CELSR1: variants seen among roughly 807,000 people sequenced by gnomAD.
CELSR1 encodes cadherin EGF LAG seven-pass G-type receptor 1.
A neutral mutation model predicts 249.1 loss-of-function variants in CELSR1; 110 were observed. The ratio of observed to expected loss-of-function variants is 0.44; its 90% CI spans 0.38 to 0.52. The LOEUF (loss-of-function observed/expected upper bound fraction) is 0.52, where lower values mean the gene tolerates loss of function less well. CELSR1 is among the 20% of genes least tolerant of loss of function. CELSR1 has a pLI of 0.00. For synonymous variants in CELSR1, 2,113 were observed against 1,900.0 expected (o/e 1.11, Z -2.92); for missense variants, 4,109 against 4,296.4 (o/e 0.96, Z 1.22).
intron 2 of CELSR1, among the ~76,000 whole-genome samples, chr22:46,452,924 G>A (rs2079902890): frequency 6.6e-6 from 1 of 152,252 alleles, no homozygotes; most frequent in Non-Finnish European, 1.5e-5. Flanking sequence ...CCATGGGGTT[G>A]GGCACAGCCT....
intron 1 of CELSR1, among the ~76,000 whole-genome samples, chr22:46,475,305 C>T (rs58997834): frequency 0.022 from 3,280 of 152,052 alleles, 137 homozygotes; most frequent in African/African-American, 0.076. Context: ...CGACAGACAC[C>T]CTGACACACG....
rs988832026 is a variant in CELSR1 at position 46,454,280 on chromosome 22, A to G, written c.4183+9427T>C. Among the ~76,000 whole-genome samples the G allele has an allele frequency of 1.3e-5, 2 of 152,202 alleles. No homozygotes were observed. On this transcript the variant is annotated intron_variant, in intron 2 of 34. Transcript: ENST00000674500. This position sits in a 1 kb window ranked among gnomAD's most constrained non-coding sequence, Gnocchi z 5.1. Reference sequence around the variant, plus strand: ...ATGCAGGGCTCCTGCCCTCCAGAACAGTAAGAATGAATCCGTGCTGCGTTA... The same window carrying G: ...ATGCAGGGCTCCTGCCCTCCAGAACGGTAAGAATGAATCCGTGCTGCGTTA...
intron 1 of CELSR1, among the ~76,000 whole-genome samples, chr22:46,499,701 T>C (rs1315688523): frequency 6.6e-6 from 1 of 152,104 alleles, no homozygotes; most frequent in Non-Finnish European, 1.5e-5. Flanking sequence ...CAGAATTTTC[T>C]CAAACTGTAT....
At chr22:46,529,714 A>T (rs2080773099) in intron 1 of CELSR1, among the ~76,000 whole-genome samples, 1 of 152,014 alleles carries the variant, frequency 6.6e-6, no homozygotes, top group Admixed American at 6.6e-5. Flanking sequence ...GAGGTAGGAT[A>T]ATCACTTGAA....
Position 46,536,531 on chromosome 22 carries a change from GGGATGGCGACGC to G in CELSR1, c.628_639del (p.Ala210_Ser213del), listed in dbSNP as rs1260777047. The G allele has an allele frequency of 7.0e-7, 1 of 1,423,596 alleles. No individual in the cohort carries two copies. Among genetic ancestry groups the G allele is most frequent in the Non-Finnish European group, 9.1e-7 (1 of 1,096,040 alleles). 88.2% of individuals were successfully genotyped at this position (1,423,596 alleles called of 1,614,324 possible). A position where few individuals can be genotyped will look rare whatever the true frequency, so the allele number is the denominator to read the frequency against. On this transcript the variant is annotated inframe_deletion, in exon 1 of 35. Coordinates refer to ENST00000674500, the MANE Select transcript of CELSR1 (RefSeq NM_001378328.1). ...AAGTTCGGCGGCAGGGGCGGCGATG[GGGATGGCGACGC>G]GGAGGGCGTCCCCGCGGTGGCGGCC... is the stretch of plus-strand genomic sequence containing the variant.
chr22:46,527,622 G>A lies in CELSR1; in HGVS notation c.3544+6005C>T, dbSNP rs1405447847. Reference sequence around the variant, plus strand: ...CTCCCGGCTTTCGCACACAGCAGGTGCTCAATAAACAAACCAACACTCCTT... The same window carrying A: ...CTCCCGGCTTTCGCACACAGCAGGTACTCAATAAACAAACCAACACTCCTT... On this transcript the variant is annotated intron_variant, in intron 1 of 34. Coordinates refer to ENST00000674500, the MANE Select transcript of CELSR1 (RefSeq NM_001378328.1). The surrounding 1 kb of genome is among the most constrained non-coding windows in gnomAD (Gnocchi z 5.5). Among the ~76,000 whole-genome samples the A allele has an allele frequency of 6.6e-6, 1 of 152,198 alleles. No homozygotes were observed. Among genetic ancestry groups the A allele is most frequent in the African/African-American group, 2.4e-5 (1 of 41,458 alleles).
At chr22:46,470,178 C>T (rs2080142222) in intron 1 of CELSR1, among the ~76,000 whole-genome samples, 1 of 150,592 alleles carries the variant, frequency 6.6e-6, no homozygotes, top group African/African-American at 2.5e-5. Context: ...TTCCTCGTGG[C>T]AGTTGTTATG....
In CELSR1 at chr22:46,517,129, C is replaced by A. The variant is rs74398229; in HGVS notation, c.3544+16498G>T. On this transcript the variant is annotated intron_variant, in intron 1 of 34. Transcript: ENST00000674500. The surrounding 1 kb of genome is among the most constrained non-coding windows in gnomAD (Gnocchi z 5.4). ...CAATGGATCATTCCCCTGAGGTATA[C>A]AAACCACCTCCCCATCCCCCACTGC... 6.8e-3 allele frequency among the ~76,000 whole-genome samples: 1,041 copies of A among 152,320 alleles called. 8 individuals are homozygous for A. Among genetic ancestry groups the A allele is most frequent in the Non-Finnish European group, 0.013 (853 of 68,018 alleles).
rs762282637 is a variant in CELSR1, at chr22:46,472,882, C to A, written c.3545-8537G>T. Among the ~76,000 whole-genome samples the A allele has an allele frequency of 6.6e-6, 1 of 152,198 alleles. No individual in the cohort carries two copies. The highest frequency in any genetic ancestry group is 1.5e-5 in the Non-Finnish European group (1 of 68,040). ...CAAGTGGCTATGGCTCTCCCTGTGT[C>A]GTCACGGCTCTGTCTTCTGTTCACC... On this transcript the variant is annotated intron_variant, in intron 1 of 34. Coordinates refer to ENST00000674500, the MANE Select transcript of CELSR1 (RefSeq NM_001378328.1). The surrounding 1 kb of genome is among the most constrained non-coding windows in gnomAD (Gnocchi z 7.0).
chr22:46,372,782 T>G, intron 25 of CELSR1, 101 bp downstream of exon 25: 2 of 1,411,004 alleles, frequency 1.4e-6, no homozygotes, highest in South Asian at 1.3e-5. Flanking sequence ...TGGACAAGCA[T>G]TGGGGCTGGG....
rs45551035 is a variant in CELSR1, at chr22:46,439,379, G to C, written c.4216C>G (p.Arg1406Gly). Residue 1406 changes from arginine (R) to glycine (G), a missense_variant, in exon 3 of 35, where the codon CGC becomes GGC. Transcript: ENST00000674500. ...EHCEVDARSG[R>G]CANGVCKNGG... ...TTCTTGCACACCCCGTTGGCACAGC[G>C]GCCTGAGCGGGCATCCACCTCACAG... The C allele has an allele frequency of 3.1e-6, 5 of 1,613,542 alleles. No individual in the cohort carries two copies. Among genetic ancestry groups the C allele is most frequent in the Non-Finnish European group, 4.2e-6 (5 of 1,179,952 alleles).
rs1321661404 is a variant in CELSR1 at position 46,484,169 on chromosome 22, G to A, written c.3545-19824C>T. On this transcript the variant is annotated intron_variant, in intron 1 of 34. Coordinates refer to ENST00000674500, the MANE Select transcript of CELSR1 (RefSeq NM_001378328.1). The surrounding 1 kb of genome is among the most constrained non-coding windows in gnomAD (Gnocchi z 4.5). ...ACAGGGCAAGAGAAGGGGAGCTGCT[G>A]GGGAGAGCCGTTACGACGGTGGGGA... Among the ~76,000 whole-genome samples the A allele has an allele frequency of 6.6e-6, 1 of 152,222 alleles. No individual in the cohort carries two copies. The highest frequency in any genetic ancestry group is 1.5e-5 in the Non-Finnish European group (1 of 68,044).
intron 13 of CELSR1, among the ~76,000 whole-genome samples, chr22:46,394,899 G>A (rs947001623): frequency 1.1e-4 from 17 of 152,164 alleles, no homozygotes; most frequent in South Asian, 6.2e-4. Context: ...CCAGGCCTCC[G>A]AGGTGCTGGC....
chr22:46,476,957 AAG>A (rs754449183), intron 1 of CELSR1, among the ~76,000 whole-genome samples: 10 of 152,262 alleles, frequency 6.6e-5, no homozygotes, highest in Admixed American at 4.6e-4. Flanking sequence ...AAAAGGCAAA[AAG>A]AGTTAAGAAT....
At position 46,473,533 on chromosome 22, in the gene CELSR1, A is replaced by C. The variant is rs1369930357; in HGVS notation, c.3545-9188T>G. On this transcript the variant is annotated intron_variant, in intron 1 of 34. Transcript: ENST00000674500. This position sits in a 1 kb window ranked among gnomAD's most constrained non-coding sequence, Gnocchi z 6.6. Reference sequence around the variant, plus strand: ...GTCTCCGTCACCACCCCATGCACCAAAGCCTGGGGGGCTCCTCCACTCTCC... The same window carrying C: ...GTCTCCGTCACCACCCCATGCACCACAGCCTGGGGGGCTCCTCCACTCTCC... Among the ~76,000 whole-genome samples, 1 of 152,064 alleles carries C rather than the reference A, an allele frequency of 6.6e-6. No individual in the cohort carries two copies. Among genetic ancestry groups the C allele is most frequent in the Admixed American group, 6.6e-5 (1 of 15,266 alleles).
At position 46,477,236 on chromosome 22, in the gene CELSR1, T is replaced by C. The variant is rs187884881; in HGVS notation, c.3545-12891A>G. On this transcript the variant is annotated intron_variant, in intron 1 of 34. Coordinates refer to ENST00000674500, the MANE Select transcript of CELSR1 (RefSeq NM_001378328.1). ...GTCGCCATCTGTTTATACCATGAGC[T>C]AAATATCATGGGAGAAGCCCACACA... Among the ~76,000 whole-genome samples, 451 of 152,214 alleles carry C rather than the reference T, an allele frequency of 3.0e-3. 3 individuals are homozygous for C. Among genetic ancestry groups the C allele is most frequent in the Non-Finnish European group, 5.6e-3 (380 of 68,020 alleles).
Position 46,381,078 on chromosome 22 carries a change from G to T in CELSR1, c.7089-123C>A. 5.7e-6 allele frequency: 6 copies of T among 1,057,868 alleles called. No individual in the cohort carries two copies. Among genetic ancestry groups the T allele is most frequent in the Non-Finnish European group, 8.2e-6 (6 of 732,244 alleles). 65.5% of individuals were successfully genotyped at this position (1,057,868 alleles called of 1,614,324 possible). ...TCTAGGGGAGACAGAATCACACTCC[G>T]AGAGCTCGGACCCACGGACCCCACA... On this transcript the variant is annotated intron_variant, in intron 21 of 34. Coordinates refer to ENST00000674500, the MANE Select transcript of CELSR1 (RefSeq NM_001378328.1). This position sits in a 1 kb window ranked among gnomAD's most constrained non-coding sequence, Gnocchi z 6.0.
In CELSR1 at chr22:46,428,998, A is replaced by C. The variant is rs773880285; in HGVS notation, c.4611+4395T>G. On this transcript the variant is annotated intron_variant, in intron 5 of 34. Transcript: ENST00000674500. The surrounding 1 kb of genome is among the most constrained non-coding windows in gnomAD (Gnocchi z 5.7). ...GGGCCCCGTTAAACATCTTGCTGGC[A>C]CGTCTGTGTCCCCGACCCTGCCAGG... Among the ~76,000 whole-genome samples the C allele has an allele frequency of 7.9e-5, 12 of 152,092 alleles. No homozygotes were observed. Among genetic ancestry groups the C allele is most frequent in the Non-Finnish European group, 1.6e-4 (11 of 67,994 alleles).
intron 1 of CELSR1, among the ~76,000 whole-genome samples, chr22:46,470,273 T>A (rs1008758232): frequency 6.6e-6 from 1 of 151,692 alleles, no homozygotes; most frequent in Non-Finnish European, 1.5e-5. Flanking sequence ...ACCAGGAAAA[T>A]AAGCAGGTAC....
Sources: allele counts gnomAD v4.1 joint callset (sites outside exome capture counted in the v4.1 genomes callset), GRCh38; gene constraint gnomAD v4.1.1; non-coding constraint Gnocchi (gnomAD v3.1); transcripts MANE v1.5; gene names NCBI Gene and HGNC (gene_info 2026-07-23, HGNC 2026-07-21).